The following B3GALT1 variants were observed in gnomAD, a reference collection of about 807,000 sequenced individuals.
B3GALT1 encodes UDP-Gal:betaGlcNAc beta 1,3-galactosyltransferase, polypeptide 1.
Under a neutral mutation model 23.2 loss-of-function variants are expected in B3GALT1, and 10 were observed. The observed-to-expected ratio is 0.43, with a 90% confidence interval of 0.27 to 0.73. B3GALT1 has a LOEUF of 0.73. Among genes scored for constraint, B3GALT1 ranks in the 30% least tolerant of loss-of-function variants. The pLI, the probability that B3GALT1 is intolerant of heterozygous loss-of-function variation, is 0.21. For missense variants in B3GALT1, 299 were observed against 405.4 expected (o/e 0.74, Z 2.25); for synonymous variants, 156 against 141.5 (o/e 1.10, Z -0.73).
intron 4 of B3GALT1, among the ~76,000 whole-genome samples, chr2:167,849,806 C>T (rs1456983062): frequency 2.7e-5 from 4 of 149,860 alleles, no homozygotes; most frequent in South Asian, 2.1e-4. Context: ...AGGAGAATGG[C>T]GTGAACCCGG....
intron 2 of B3GALT1, among the ~76,000 whole-genome samples, chr2:167,522,646 T>G (rs1480794518): frequency 6.6e-6 from 1 of 152,190 alleles, no homozygotes; most frequent in Non-Finnish European, 1.5e-5. Context: ...TAGCAACTTT[T>G]AGATTTCTTT....
intron 3 of B3GALT1, among the ~76,000 whole-genome samples, chr2:167,713,500 A>T (rs1687094218): frequency 6.6e-6 from 1 of 152,220 alleles, no homozygotes; most frequent in East Asian, 1.9e-4. Flanking sequence ...TGTTTTTTTC[A>T]TGTTTAAACC....
chr2:167,351,955 A>ATTTTTTTTTTTTTTTTTTTTTTTTT (rs71031283), intron 1 of B3GALT1, among the ~76,000 whole-genome samples: 1 of 134,306 alleles, frequency 7.4e-6, no homozygotes, highest in African/African-American at 3.2e-5. Flanking sequence ...GCTGTTTTTG[A>ATTTTTTTTTTTTTTTTTTTTTTTTT]TTTTTTTTTT....
intron 2 of B3GALT1, among the ~76,000 whole-genome samples, chr2:167,542,077 A>T (rs1360487472): frequency 2.0e-5 from 3 of 152,110 alleles, no homozygotes; most frequent in Non-Finnish European, 4.4e-5. Flanking sequence ...TACATGTGTA[A>T]ATAAATCCTA....
At chr2:167,333,406 A>G (rs1182099370) in intron 1 of B3GALT1, among the ~76,000 whole-genome samples, 1 of 152,238 alleles carries the variant, frequency 6.6e-6, no homozygotes, top group Non-Finnish European at 1.5e-5. Context: ...TTTAAGAATT[A>G]GTTAAATCCC....
chr2:167,561,909 C>G (rs1328934564), intron 2 of B3GALT1, among the ~76,000 whole-genome samples: 3 of 152,192 alleles, frequency 2.0e-5, no homozygotes, highest in African/African-American at 4.8e-5. Context: ...CCTTCTGAAA[C>G]TATTCCAGTC....
chr2:167,513,330 C>T (rs952842231), intron 2 of B3GALT1, among the ~76,000 whole-genome samples: 3 of 152,084 alleles, frequency 2.0e-5, no homozygotes, highest in Admixed American at 1.3e-4. Flanking sequence ...GTACTTTTTA[C>T]GATCTTTGTA....
chr2:167,403,038 T>G (rs1338879541), intron 1 of B3GALT1, among the ~76,000 whole-genome samples: 1 of 151,924 alleles, frequency 6.6e-6, no homozygotes, highest in Non-Finnish European at 1.5e-5. Context: ...TTATTTATTT[T>G]TATTATACTT....
chr2:167,597,376 A>G (rs574675976), intron 2 of B3GALT1, among the ~76,000 whole-genome samples: 75 of 152,118 alleles, frequency 4.9e-4, no homozygotes, highest in African/African-American at 1.5e-3. Context: ...TGGCCTCCCA[A>G]AGTGCTGGGA....
intron 1 of B3GALT1, among the ~76,000 whole-genome samples, chr2:167,425,608 T>G (rs571791151): frequency 1.3e-5 from 2 of 152,374 alleles, no homozygotes; most frequent in Admixed American, 6.5e-5. Context: ...AATTAACTCC[T>G]TGGCAAATTA....
At chr2:167,555,609 T>A (rs893609759) in intron 2 of B3GALT1, among the ~76,000 whole-genome samples, 3 of 152,148 alleles carry the variant, frequency 2.0e-5, no homozygotes, top group African/African-American at 7.2e-5. Flanking sequence ...AATAGGCTAA[T>A]GGCAATGACA....
chr2:167,526,207 A>G (rs745772842), intron 2 of B3GALT1, among the ~76,000 whole-genome samples: 1 of 152,130 alleles, frequency 6.6e-6, no homozygotes, highest in African/African-American at 2.4e-5. Context: ...ACACACACAT[A>G]TATGTATAAA....
intron 3 of B3GALT1, among the ~76,000 whole-genome samples, chr2:167,672,885 A>G (rs115648452): frequency 0.017 from 2,588 of 152,040 alleles, 79 homozygotes; most frequent in African/African-American, 0.06. Flanking sequence ...AAACCTATTA[A>G]TTTCACTGCA....
At chr2:167,744,451 T>A (rs1687621893) in intron 3 of B3GALT1, among the ~76,000 whole-genome samples, 1 of 152,218 alleles carries the variant, frequency 6.6e-6, no homozygotes, top group South Asian at 2.1e-4. Flanking sequence ...TATTAGTTTG[T>A]AGTGTCCATT....
At chr2:167,766,623 A>G (rs888408189) in intron 3 of B3GALT1, among the ~76,000 whole-genome samples, 3 of 152,188 alleles carry the variant, frequency 2.0e-5, no homozygotes, top group Non-Finnish European at 4.4e-5. Flanking sequence ...TGGGAAACAA[A>G]AAGAATTCAG....
At chr2:167,582,525 A>C (rs909486843) in intron 2 of B3GALT1, among the ~76,000 whole-genome samples, 1 of 152,254 alleles carries the variant, frequency 6.6e-6, no homozygotes, top group Non-Finnish European at 1.5e-5. Context: ...GATAGTCCAA[A>C]CATAACCTGA....
At chr2:167,548,724 G>A (rs965648924) in intron 2 of B3GALT1, among the ~76,000 whole-genome samples, 5 of 148,338 alleles carry the variant, frequency 3.4e-5, no homozygotes, top group Non-Finnish European at 6.0e-5. Context: ...GTGTATGTGT[G>A]TGTCTATGTA....
intron 2 of B3GALT1, among the ~76,000 whole-genome samples, chr2:167,508,491 C>T (rs1389694948): frequency 6.6e-6 from 1 of 152,026 alleles, no homozygotes; most frequent in East Asian, 1.9e-4. Flanking sequence ...ATCTCCTAAC[C>T]TCGTGATCCA....
At chr2:167,470,209 G>A (rs1699404254) in intron 1 of B3GALT1, among the ~76,000 whole-genome samples, 1 of 152,004 alleles carries the variant, frequency 6.6e-6, no homozygotes, top group Admixed American at 6.6e-5. Flanking sequence ...ATATCAAGAA[G>A]GTCCACTAAG....
Sources: allele counts gnomAD v4.1 joint callset (sites outside exome capture counted in the v4.1 genomes callset), GRCh38; gene constraint gnomAD v4.1.1; transcripts MANE v1.5; gene names NCBI Gene and HGNC (gene_info 2026-07-23, HGNC 2026-07-21).